ZMYND8: variants seen among roughly 807,000 people sequenced by gnomAD.
ZMYND8 encodes zinc finger MYND-type containing 8.
A neutral mutation model predicts 140.8 loss-of-function variants in ZMYND8; 37 were observed. That is an observed-to-expected ratio of 0.26 (90% CI 0.20 to 0.35). ZMYND8 has a LOEUF of 0.35. Ranked by LOEUF, ZMYND8 falls within the 10% of genes least tolerant of loss-of-function variation. The probability of loss-of-function intolerance (pLI) is 1.00; values close to 1 mark genes in which losing one functional copy is unlikely to be tolerated. For missense variants in ZMYND8, 1,068 were observed against 1,570.0 expected, an observed-to-expected ratio of 0.68 and a Z score of 5.40; for synonymous variants, 592 against 597.1, an observed-to-expected ratio of 0.99 and a Z score of 0.12.
intron 3 of ZMYND8, among the ~76,000 whole-genome samples, chr20:47,302,951 G>A (rs1042578267): frequency 3.3e-5 from 5 of 152,126 alleles, no homozygotes; most frequent in Non-Finnish European, 5.9e-5. Context: ...TGTGGGAGAC[G>A]TCCTGTGCAT....
intron 2 of ZMYND8, among the ~76,000 whole-genome samples, chr20:47,310,679 G>T (rs571160754): frequency 1.3e-5 from 2 of 151,624 alleles, no homozygotes; most frequent in African/African-American, 2.4e-5. Flanking sequence ...CCAGCTACTC[G>T]GGAGGCTGAG....
chr20:47,231,126 G>A (rs1055586278), intron 16 of ZMYND8, among the ~76,000 whole-genome samples: 4 of 152,162 alleles, frequency 2.6e-5, no homozygotes, highest in Non-Finnish European at 4.4e-5. Flanking sequence ...GCCAGTTGGT[G>A]ACATCAGCTA....
At chr20:47,257,614 A>T (rs2074844642) in intron 12 of ZMYND8, among the ~76,000 whole-genome samples, 1 of 152,142 alleles carries the variant, frequency 6.6e-6, no homozygotes. Context: ...ATACCCATAT[A>T]CCATATACTG....
At chr20:47,263,100 A>T (rs1226932469) in intron 11 of ZMYND8, among the ~76,000 whole-genome samples, 1 of 152,190 alleles carries the variant, frequency 6.6e-6, no homozygotes, top group Admixed American at 6.5e-5. Flanking sequence ...CCCCTGCCTC[A>T]TTTCACAGGG....
In ZMYND8 at chr20:47,249,453, T is replaced by C. The variant is rs1453152834; in HGVS notation, c.1622-14A>G. The C allele has an allele frequency of 6.2e-7, 1 of 1,613,526 alleles. No homozygotes were observed. Among genetic ancestry groups the C allele is most frequent in the African/African-American group, 1.3e-5 (1 of 75,006 alleles). The stretch of plus-strand genomic sequence containing the variant: ...CTTTGCTTCGATCTGAAAGAAACCA[T>C]CACACCCTCGTAAGATCAGGCACAC... On this transcript the variant is annotated splice_polypyrimidine_tract_variant and intron_variant, in intron 12 of 22. Coordinates refer to ENST00000471951, the MANE Select transcript of ZMYND8 (RefSeq NM_001281775.3).
At chr20:47,311,602 T>C (rs987569831) in intron 2 of ZMYND8, among the ~76,000 whole-genome samples, 1 of 151,938 alleles carries the variant, frequency 6.6e-6, no homozygotes, top group Non-Finnish European at 1.5e-5. Flanking sequence ...TAGAGGAGAT[T>C]GTTGGGTCAA....
In ZMYND8 at chr20:47,238,560, AC is replaced by A. The variant is rs955355383; in HGVS notation, c.2665+197del. The A allele has an allele frequency of 4.1e-6, 4 of 978,422 alleles. No individual in the cohort carries two copies. In the African/African-American group the frequency reaches 6.6e-5, roughly 16 times the overall value. The allele number at this position is 978,422 out of a possible 1,614,324, so 60.6% of individuals were successfully genotyped here. ...ATCATTTATAAAATGAACAAAAAAA[AC>A]TTTTTGAAAGTAAAAAAGCAAGTAG... On this transcript the variant is annotated intron_variant, in intron 15 of 22. Transcript: ENST00000471951.
At chr20:47,321,855 C>A (rs954370013) in intron 2 of ZMYND8, among the ~76,000 whole-genome samples, 4 of 143,566 alleles carry the variant, frequency 2.8e-5, no homozygotes, top group Non-Finnish European at 4.4e-5. Context: ...AACTCGCCGC[C>A]CTTTTTTTTT....
At chr20:47,211,703 G>C (rs1016629522) in intron 22 of ZMYND8, among the ~76,000 whole-genome samples, 3 of 152,166 alleles carry the variant, frequency 2.0e-5, no homozygotes, top group Admixed American at 1.3e-4. Flanking sequence ...TCACATCCTG[G>C]ATCATGTACT....
intron 8 of ZMYND8, chr20:47,285,653 A>C: frequency 1.0e-6 from 1 of 983,568 alleles, no homozygotes; most frequent in Non-Finnish European, 1.2e-6. Flanking sequence ...ATTCCTAAAA[A>C]TTAAACTAAG....
intron 19 of ZMYND8, among the ~76,000 whole-genome samples, chr20:47,222,317 C>CTT: frequency 6.6e-6 from 1 of 152,150 alleles, no homozygotes; most frequent in Non-Finnish European, 1.5e-5. Context: ...GGGCAGATCA[C>CTT]GAGGTCAGGA....
At chr20:47,270,697 G>GAA (rs34474269) in intron 11 of ZMYND8, among the ~76,000 whole-genome samples, 8 of 86,650 alleles carry the variant, frequency 9.2e-5, no homozygotes, top group African/African-American at 1.9e-4. Flanking sequence ...CCCTGTCTCT[G>GAA]AAAAAAAAAA....
intron 12 of ZMYND8, among the ~76,000 whole-genome samples, chr20:47,253,864 T>C (rs911655118): frequency 6.6e-6 from 1 of 152,218 alleles, no homozygotes; most frequent in African/African-American, 2.4e-5. Context: ...GCAAAGAAGG[T>C]AAATTCCCTC....
intron 18 of ZMYND8, among the ~76,000 whole-genome samples, chr20:47,226,405 G>GA (rs1459453128): frequency 2.0e-5 from 3 of 152,160 alleles, no homozygotes; most frequent in Admixed American, 6.5e-5. Context: ...TACCTTTGGG[G>GA]AAAAGCTTAA....
At chr20:47,270,985 G>A (rs1401219722) in intron 11 of ZMYND8, among the ~76,000 whole-genome samples, 1 of 152,094 alleles carries the variant, frequency 6.6e-6, no homozygotes, top group Non-Finnish European at 1.5e-5. Flanking sequence ...GCTGAGGCAG[G>A]AGAATGGCGT....
intron 11 of ZMYND8, among the ~76,000 whole-genome samples, chr20:47,272,150 T>TCACTGCAAGCTCTGCC (rs1423489288): frequency 2.0e-5 from 3 of 151,892 alleles, no homozygotes; most frequent in African/African-American, 7.3e-5. Context: ...CGATCTCGGC[T>TCACTGCAAGCTCTGCC]CACTGCAAGC....
chr20:47,342,777 G>A (rs56164236), intron 2 of ZMYND8, among the ~76,000 whole-genome samples: 217 of 149,894 alleles, frequency 1.4e-3, no homozygotes, highest in Non-Finnish European at 2.5e-3. Context: ...GAACTAGGAG[G>A]TGGAAGTCAC....
At chr20:47,272,696 T>C (rs1176730358) in intron 11 of ZMYND8, among the ~76,000 whole-genome samples, 2 of 152,222 alleles carry the variant, frequency 1.3e-5, no homozygotes, top group African/African-American at 2.4e-5. Context: ...CTAAGGATTA[T>C]AGGCACACAG....
At chr20:47,355,028 C>G (rs1446507627) in intron 1 of ZMYND8, among the ~76,000 whole-genome samples, 4 of 151,928 alleles carry the variant, frequency 2.6e-5, no homozygotes, top group Non-Finnish European at 4.4e-5. Flanking sequence ...ACTGACACCA[C>G]CCCCCCAACA....
Sources: gnomAD v4.1 joint callset for allele counts (sites outside exome capture counted in the v4.1 genomes callset) on GRCh38, gnomAD v4.1.1 for gene constraint, MANE v1.5 for transcripts, NCBI Gene and HGNC (gene_info 2026-07-23, HGNC 2026-07-21) for gene names.